TTC28: variants seen among roughly 807,000 people sequenced by gnomAD.
TTC28 encodes tetratricopeptide repeat domain 28.
TTC28 carries 61 observed loss-of-function variants against 198.0 expected under a neutral mutation model. That is an observed-to-expected ratio of 0.31 (90% confidence interval 0.25 to 0.38). The LOEUF (loss-of-function observed/expected upper bound fraction) is 0.38, where lower values mean the gene tolerates loss of function less well. Ranked by LOEUF, TTC28 falls within the 10% of genes least tolerant of loss-of-function variation. The pLI, the probability that TTC28 is intolerant of heterozygous loss-of-function variation, is 1.00. For synonymous variants in TTC28, 1,171 were observed against 1,297.8 expected (o/e 0.90, Z 2.10); for missense variants, 2,678 against 3,164.0 (o/e 0.85, Z 3.69).
intron 2 of TTC28, among the ~76,000 whole-genome samples, chr22:28,436,233 G>A (rs148426610): frequency 2.8e-4 from 43 of 152,236 alleles, no homozygotes; most frequent in African/African-American, 9.4e-4. Context: ...ATAACTGGCC[G>A]GTCAGAAGAT....
intron 2 of TTC28, among the ~76,000 whole-genome samples, chr22:28,356,699 G>T (rs1256372576): frequency 2.0e-5 from 3 of 152,188 alleles, no homozygotes; most frequent in Non-Finnish European, 4.4e-5. Context: ...CCTGTCAGGG[G>T]TGGAGAGTGG....
Position 28,489,992 on chromosome 22 carries a change from G to A in TTC28, c.381+139560C>T, listed in dbSNP as rs375887145. Among the ~76,000 whole-genome samples the A allele has an allele frequency of 1.6e-3, 242 of 152,228 alleles. 1 individual carries two copies. Among genetic ancestry groups the A allele is most frequent in the African/African-American group, 4.8e-3 (201 of 41,534 alleles). ...CTGAAGAACTTGGAGTCCGATGTTC[G>A]AGGGCAGGAAGCATCCAGCACGGGA... is the stretch of plus-strand genomic sequence containing the variant. On this transcript the variant is annotated intron_variant, in intron 2 of 22. Transcript: ENST00000397906.
intron 2 of TTC28, among the ~76,000 whole-genome samples, chr22:28,602,655 T>C (rs2050658761): frequency 6.6e-6 from 1 of 152,164 alleles, no homozygotes; most frequent in Non-Finnish European, 1.5e-5. Context: ...TCTTGCAAAT[T>C]TTCTCTAAAT....
intron 2 of TTC28, among the ~76,000 whole-genome samples, chr22:28,323,364 G>A (rs775352760): frequency 1.3e-5 from 2 of 152,010 alleles, no homozygotes; most frequent in Non-Finnish European, 2.9e-5. Context: ...GAACCTCAAC[G>A]GAATTCAAGA....
intron 2 of TTC28, among the ~76,000 whole-genome samples, chr22:28,598,509 C>CAAAAAAA (rs36035176): frequency 5.7e-5 from 3 of 52,682 alleles, no homozygotes; most frequent in Admixed American, 2.6e-4. Context: ...ACTACGTCTC[C>CAAAAAAA]AAAAAAAAAA....
chr22:28,014,234 C>CA lies in TTC28; in HGVS notation c.4218+13dup. The CA allele has an allele frequency of 6.5e-7, 1 of 1,546,676 alleles. No homozygotes were observed. The highest frequency in any genetic ancestry group is 2.4e-5 in the East Asian group (1 of 40,902). ...CTGATGCGGAGGAGCCTTGTGCCCCCAGGAGGTGCTTACCCCTTCCATGGG... is the reference window on the plus strand; with the variant it reads ...CTGATGCGGAGGAGCCTTGTGCCCCCAAGGAGGTGCTTACCCCTTCCATGGG... On this transcript the variant is annotated intron_variant, in intron 14 of 22. Transcript: ENST00000397906.
intron 12 of TTC28, among the ~76,000 whole-genome samples, chr22:28,065,888 G>A (rs1026568511): frequency 6.6e-6 from 1 of 152,114 alleles, no homozygotes; most frequent in African/African-American, 2.4e-5. Context: ...ATTCCAGTTA[G>A]GTAATTTTCT....
chr22:28,062,841 T>C (rs1173864196), intron 12 of TTC28, among the ~76,000 whole-genome samples: 1 of 152,230 alleles, frequency 6.6e-6, no homozygotes, highest in Non-Finnish European at 1.5e-5. Flanking sequence ...TCATTGAGCA[T>C]ATTTATAATT....
intron 12 of TTC28, among the ~76,000 whole-genome samples, chr22:28,058,261 C>T (rs1323492568): frequency 2.6e-5 from 4 of 152,062 alleles, no homozygotes; most frequent in Non-Finnish European, 5.9e-5. Context: ...GAAACAGTAG[C>T]TGGTCTGCAG....
intron 2 of TTC28, among the ~76,000 whole-genome samples, chr22:28,320,522 A>G (rs914131751): frequency 1.3e-5 from 2 of 152,204 alleles, no homozygotes; most frequent in African/African-American, 4.8e-5. Context: ...CTGGCATTTT[A>G]GTCTTTTCTT....
chr22:28,194,839 C>G (rs1156948084), intron 5 of TTC28, among the ~76,000 whole-genome samples: 1 of 100,276 alleles, frequency 1.0e-5, no homozygotes, highest in Admixed American at 9.7e-5. Context: ...GGATTCACAG[C>G]CTAATTCTAC....
At chr22:28,596,801 CCAGA>C (rs1440081387) in intron 2 of TTC28, among the ~76,000 whole-genome samples, 1 of 152,088 alleles carries the variant, frequency 6.6e-6, no homozygotes, top group Non-Finnish European at 1.5e-5. Context: ...ATGATGAGTG[CCAGA>C]CAGACATCTG....
At chr22:28,505,256 C>CAAA (rs35503278) in intron 2 of TTC28, among the ~76,000 whole-genome samples, 46 of 74,602 alleles carry the variant, frequency 6.2e-4, no homozygotes, top group East Asian at 1.4e-3. Context: ...GACTCCGTCT[C>CAAA]AAAAAAAAAA....
intron 9 of TTC28, among the ~76,000 whole-genome samples, chr22:28,100,840 T>C (rs1403376510): frequency 2.0e-5 from 3 of 152,256 alleles, no homozygotes; most frequent in African/African-American, 7.2e-5. Context: ...AAGTTATATC[T>C]ATTAATATAT....
intron 2 of TTC28, among the ~76,000 whole-genome samples, chr22:28,565,547 A>C (rs886289795): frequency 2.6e-5 from 4 of 152,240 alleles, no homozygotes; most frequent in Non-Finnish European, 5.9e-5. Flanking sequence ...TGGAAATGTC[A>C]TAAGACTATA....
At chr22:28,450,592 A>T (rs5752746) in intron 2 of TTC28, among the ~76,000 whole-genome samples, 68,334 of 151,998 alleles carry the variant, frequency 0.45, 16,065 homozygotes, top group Non-Finnish European at 0.52. Flanking sequence ...TTACTCTACT[A>T]GTTTTACTAC....
intron 2 of TTC28, among the ~76,000 whole-genome samples, chr22:28,532,337 C>A (rs2049158619): frequency 6.6e-6 from 1 of 152,156 alleles, no homozygotes; most frequent in Admixed American, 6.6e-5. Context: ...GACACATACA[C>A]CCTCCCAAGA....
chr22:28,329,080 T>C (rs1293197543), intron 2 of TTC28, among the ~76,000 whole-genome samples: 2 of 152,056 alleles, frequency 1.3e-5, no homozygotes, highest in Non-Finnish European at 2.9e-5. Context: ...GGTTCAAAAT[T>C]CTGTGTTCTT....
intron 2 of TTC28, among the ~76,000 whole-genome samples, chr22:28,391,312 T>G (rs1003399272): frequency 5.3e-5 from 8 of 152,148 alleles, no homozygotes; most frequent in African/African-American, 1.2e-4. Context: ...ATCTGACAAT[T>G]ATGTGTCTTG....
Sources: allele counts gnomAD v4.1 joint callset (sites outside exome capture counted in the v4.1 genomes callset), GRCh38; gene constraint gnomAD v4.1.1; transcripts MANE v1.5; gene names NCBI Gene and HGNC (gene_info 2026-07-23, HGNC 2026-07-21).